The following RHOU variants were observed in gnomAD, a reference collection of about 807,000 sequenced individuals.
RHOU encodes the protein ras homolog family member U.
Under a neutral mutation model 12.6 loss-of-function variants are expected in RHOU, and 8 were observed. The ratio of observed to expected loss-of-function variants is 0.64; its 90% CI spans 0.37 to 1.15. The LOEUF (loss-of-function observed/expected upper bound fraction) is 1.15. RHOU is among the 50% of genes most tolerant of loss of function. The pLI is 0.01. For missense variants in RHOU, 258 were observed against 347.0 expected (o/e 0.74, Z 2.04); for synonymous variants, 161 against 147.4 (o/e 1.09, Z -0.67).
chr1:228,682,824 A>G, the RHOU span, among the ~76,000 whole-genome samples: 1 of 152,162 alleles, frequency 6.6e-6, no homozygotes. Flanking sequence ...TGTAATTCTA[A>G]AGGGAGTATG....
intron 2 of RHOU, among the ~76,000 whole-genome samples, chr1:228,740,227 G>T (rs895743081): frequency 6.6e-6 from 1 of 152,136 alleles, no homozygotes; most frequent in East Asian, 1.9e-4. Context: ...AAAAACGAAG[G>T]TTTTGGTGCT....
chr1:228,740,288 A>G (rs960695305), intron 2 of RHOU, among the ~76,000 whole-genome samples: 1 of 152,212 alleles, frequency 6.6e-6, no homozygotes, highest in African/African-American at 2.4e-5. Flanking sequence ...GCCTCTTAGC[A>G]ATATTTTCAA....
the RHOU span, among the ~76,000 whole-genome samples, chr1:228,696,508 C>G: frequency 1.3e-5 from 2 of 152,004 alleles, no homozygotes; most frequent in African/African-American, 4.8e-5. Context: ...TTTATTTCTC[C>G]TCTTAGTAGT....
upstream of RHOU, among the ~76,000 whole-genome samples, chr1:228,731,990 T>C (rs1216300601): frequency 4.6e-5 from 7 of 152,352 alleles, no homozygotes; most frequent in African/African-American, 1.7e-4. Context: ...TGGTTTTCTA[T>C]TAATAGCTGC....
At chr1:228,702,735 T>A in the RHOU span, among the ~76,000 whole-genome samples, 32 of 152,356 alleles carry the variant, frequency 2.1e-4, no homozygotes, top group South Asian at 1.5e-3. Context: ...GTCATTTTTT[T>A]ATTTTATTTT....
At chr1:228,735,093 A>C (rs941929102), upstream of RHOU, 1 of 152,258 alleles carries the variant, frequency 6.6e-6, no homozygotes, top group African/African-American at 2.4e-5. The surrounding 1 kb of genome is among the most constrained non-coding windows in gnomAD (Gnocchi z 8.1). Context: ...CACGGAGTGA[A>C]TAGGAGGCGG....
At position 228,744,204 on chromosome 1, in the gene RHOU, T is replaced by G. The variant is rs758923506; in HGVS notation, c.*464T>G. The G allele has an allele frequency of 1.3e-5, 2 of 152,582 alleles. No individual in the cohort carries two copies. The highest frequency in any genetic ancestry group is 6.5e-5 in the Admixed American group (1 of 15,306). 9.5% of individuals were successfully genotyped at this position (152,582 alleles called of 1,614,324 possible). A position where few individuals can be genotyped will look rare whatever the true frequency, so the allele number is the denominator to read the frequency against. ...AATAGTTCTTAGCTTTGAAACTCCA[T>G]GCAAACCATGCCTTTTTTTTAAGGA... On this transcript the variant is annotated 3_prime_UTR_variant, in exon 3 of 3. Transcript: ENST00000366691.
chr1:228,710,287 T>G, the RHOU span, among the ~76,000 whole-genome samples: 2 of 151,732 alleles, frequency 1.3e-5, no homozygotes, highest in Non-Finnish European at 2.9e-5. Context: ...AGAAAAAGAG[T>G]AAATCCTCCC....
At chr1:228,722,376 C>G in the RHOU span, among the ~76,000 whole-genome samples, 32 of 152,172 alleles carry the variant, frequency 2.1e-4, no homozygotes, top group Non-Finnish European at 4.4e-4. Context: ...CTCCCAGGCC[C>G]TCTCATCCTT....
At chr1:228,664,794 C>T in the RHOU span, among the ~76,000 whole-genome samples, 8 of 152,116 alleles carry the variant, frequency 5.3e-5, no homozygotes, top group South Asian at 6.2e-4. Flanking sequence ...CCACCATGAC[C>T]GGCTAATTTT....
At chr1:228,704,560 C>G in the RHOU span, among the ~76,000 whole-genome samples, 6 of 151,842 alleles carry the variant, frequency 4.0e-5, no homozygotes, top group Non-Finnish European at 5.9e-5. Flanking sequence ...TGGGTTCAAG[C>G]GATCCTCCTG....
the RHOU span, among the ~76,000 whole-genome samples, chr1:228,715,495 T>C: frequency 6.6e-6 from 1 of 152,188 alleles, no homozygotes; most frequent in Non-Finnish European, 1.5e-5. Flanking sequence ...GAATATTTGG[T>C]AATATTGGTA....
chr1:228,703,548 G>A, the RHOU span, among the ~76,000 whole-genome samples: 1 of 150,900 alleles, frequency 6.6e-6, no homozygotes, highest in African/African-American at 2.4e-5. Flanking sequence ...AGTGTTTTAA[G>A]ATAGCCAGCT....
At chr1:228,684,456 G>A in the RHOU span, among the ~76,000 whole-genome samples, 1 of 149,266 alleles carries the variant, frequency 6.7e-6, no homozygotes, top group African/African-American at 2.6e-5. Context: ...AGCCCCCTGA[G>A]TAGCTGGGAC....
At chr1:228,711,603 CAT>C in the RHOU span, among the ~76,000 whole-genome samples, 1 of 152,186 alleles carries the variant, frequency 6.6e-6, no homozygotes, top group African/African-American at 2.4e-5. Context: ...ACTGGCTAGC[CAT>C]ATGTAGAAAG....
In RHOU at chr1:228,745,459, G is replaced by A. The variant is rs2102720888; in HGVS notation, c.*1719G>A. The A allele has an allele frequency of 6.6e-6, 1 of 152,300 alleles. No individual in the cohort carries two copies. Among genetic ancestry groups the A allele is most frequent in the East Asian group, 1.9e-4 (1 of 5,190 alleles). 9.4% of individuals were successfully genotyped at this position (152,300 alleles called of 1,614,324 possible). On this transcript the variant is annotated 3_prime_UTR_variant, in exon 3 of 3. Coordinates refer to ENST00000366691, the MANE Select transcript of RHOU (RefSeq NM_021205.6). ...CAGTTTGTGTTTTTCTATAGAAAAA[G>A]TAAAAGATCAGGTTATACTTTAGGT...
At chr1:228,684,545 T>A in the RHOU span, among the ~76,000 whole-genome samples, 3 of 152,168 alleles carry the variant, frequency 2.0e-5, no homozygotes, top group Non-Finnish European at 4.4e-5. Context: ...GCCAGGCTAG[T>A]TTTGAACTCC....
the RHOU span, among the ~76,000 whole-genome samples, chr1:228,659,048 G>A: frequency 1.3e-5 from 2 of 151,930 alleles, no homozygotes; most frequent in African/African-American, 4.8e-5. Flanking sequence ...TGCTAACAGG[G>A]AAATTTATAG....
the RHOU span, among the ~76,000 whole-genome samples, chr1:228,715,018 A>T: frequency 2.0e-5 from 3 of 152,030 alleles, no homozygotes; most frequent in African/African-American, 7.2e-5. Context: ...CTGGGATTAC[A>T]GGCGTGAGCC....
Sources: allele counts gnomAD v4.1 joint callset (sites outside exome capture counted in the v4.1 genomes callset), GRCh38; gene constraint gnomAD v4.1.1; non-coding constraint Gnocchi (gnomAD v3.1); transcripts MANE v1.5; gene names NCBI Gene and HGNC (gene_info 2026-07-23, HGNC 2026-07-21).